Variants in PPP1R7 observed in about 807,000 individuals in gnomAD.
The protein encoded by PPP1R7 is protein phosphatase 1 regulatory subunit 7.
Under a neutral mutation model 45.2 loss-of-function variants are expected in PPP1R7, and 18 were observed. That is an observed-to-expected ratio of 0.40 (90% CI 0.28 to 0.59). The LOEUF (loss-of-function observed/expected upper bound fraction) is 0.59, where lower values mean the gene tolerates loss of function less well. Ranked by LOEUF, PPP1R7 falls within the 20% of genes least tolerant of loss-of-function variation. The pLI is 0.46. For missense variants in PPP1R7, 314 were observed against 455.8 expected, an observed-to-expected ratio of 0.69 and a Z score of 2.83; for synonymous variants, 181 against 183.4, an observed-to-expected ratio of 0.99 and a Z score of 0.11.
rs11741 is a variant in PPP1R7 at position 241,183,405 on chromosome 2, G to C, written c.*582G>C. 2.1e-6 allele frequency: 1 copy of C among 471,096 alleles called. No individual in the cohort carries two copies. The highest frequency in any genetic ancestry group is 6.9e-5 in the East Asian group (1 of 14,398). The allele number at this position is 471,096 out of a possible 1,614,324, so 29.2% of individuals were successfully genotyped here. Reference sequence around the variant, plus strand: ...GCTCTCCTTCAAAGAGCGCCGGGCAGGGCTGACTGTTTTCACGTGTGCCCG... The same window carrying C: ...GCTCTCCTTCAAAGAGCGCCGGGCACGGCTGACTGTTTTCACGTGTGCCCG... On this transcript the variant is annotated 3_prime_UTR_variant, in exon 10 of 10. Transcript: ENST00000234038.
chr2:241,183,081 C>G lies in PPP1R7; in HGVS notation c.*258C>G, dbSNP rs543098648. On this transcript the variant is annotated 3_prime_UTR_variant, in exon 10 of 10. Coordinates refer to ENST00000234038, the MANE Select transcript of PPP1R7 (RefSeq NM_002712.3). ...CACAGAGAGAACATAAGACACGTTG[C>G]GTTCATTCGCTAGAAATCCCTGTTT... is the stretch of plus-strand genomic sequence containing the variant. 6 of 513,792 alleles carry G rather than the reference C, an allele frequency of 1.2e-5. No homozygotes were observed. Among genetic ancestry groups the G allele is most frequent in the Non-Finnish European group, 1.8e-5 (5 of 283,284 alleles). The allele number at this position is 513,792 out of a possible 1,614,324, so 31.8% of individuals were successfully genotyped here.
At chr2:241,152,683 T>C (rs930780847) in intron 1 of PPP1R7, among the ~76,000 whole-genome samples, 1 of 152,228 alleles carries the variant, frequency 6.6e-6, no homozygotes, top group Admixed American at 6.5e-5. Flanking sequence ...ATTTTCAGTA[T>C]GGTTGATAAT....
intron 5 of PPP1R7, 50 bp downstream of exon 5, chr2:241,159,393 T>TG (rs1421676305): frequency 6.2e-7 from 1 of 1,600,092 alleles, no homozygotes; most frequent in South Asian, 1.1e-5. Context: ...GGCCACTGGG[T>TG]GGGGGGTGTC....
intron 6 of PPP1R7, 151 bp from the exon 7 acceptor site, chr2:241,163,134 A>G: frequency 3.1e-6 from 2 of 638,060 alleles, no homozygotes; most frequent in African/African-American, 1.8e-5. Context: ...ACCTTCAAGT[A>G]GGATTTCCAC....
chr2:241,150,393 C>G (rs932781162), upstream of PPP1R7: 27 of 1,157,044 alleles, frequency 2.3e-5, no homozygotes, highest in Non-Finnish European at 2.8e-5. Flanking sequence ...CGGCTGAAGT[C>G]GCCGCGCCGG....
chr2:241,155,063 G>T (rs1241778902), intron 2 of PPP1R7: 1 of 152,180 alleles, frequency 6.6e-6, no homozygotes, highest in East Asian at 1.9e-4. Flanking sequence ...GGAATAAAGT[G>T]CATGGGAGTG....
At chr2:241,154,960 A>AC (rs2067418778) in intron 2 of PPP1R7, 3 of 152,246 alleles carry the variant, frequency 2.0e-5, no homozygotes, top group African/African-American at 7.2e-5. Flanking sequence ...TAACTATGGC[A>AC]ACCTACTTTT....
chr2:241,150,823 G>T (rs988133571), intron 1 of PPP1R7, among the ~76,000 whole-genome samples: 3 of 152,174 alleles, frequency 2.0e-5, no homozygotes, highest in African/African-American at 7.2e-5. Flanking sequence ...GGGACGCGGT[G>T]GCTCCATTCA....
chr2:241,153,702 G>C, intron 2 of PPP1R7, 98 bp downstream of exon 2: 3 of 1,482,942 alleles, frequency 2.0e-6, no homozygotes, highest in South Asian at 1.3e-5. Flanking sequence ...TGTCGGTCTG[G>C]AGAAGGACTG....
chr2:241,158,587 C>T (rs1382500429), intron 4 of PPP1R7, 38 bp downstream of exon 4: 1 of 1,575,138 alleles, frequency 6.3e-7, no homozygotes, highest in Middle Eastern at 1.7e-4. Context: ...TGACGCTCAC[C>T]CATAGGATGT....
intron 2 of PPP1R7, among the ~76,000 whole-genome samples, chr2:241,154,817 A>C (rs757324801): frequency 6.6e-6 from 1 of 152,264 alleles, no homozygotes; most frequent in Non-Finnish European, 1.5e-5. Context: ...AGAAGGATCT[A>C]TACATTTTGT....
chr2:241,173,645 C>T (rs1045721393), intron 9 of PPP1R7, among the ~76,000 whole-genome samples: 10 of 152,212 alleles, frequency 6.6e-5, no homozygotes, highest in African/African-American at 2.4e-4. Context: ...TCTAAAACTG[C>T]TTCTGCCCTT....
At chr2:241,152,388 G>C (rs143149005) in intron 1 of PPP1R7, among the ~76,000 whole-genome samples, 1 of 152,212 alleles carries the variant, frequency 6.6e-6, no homozygotes, top group African/African-American at 2.4e-5. Flanking sequence ...TCTGGCAGGG[G>C]AGAATAGGTT....
intron 2 of PPP1R7, 91 bp from the exon 3 acceptor site, chr2:241,157,716 A>C (rs1041004354): frequency 1.5e-6 from 2 of 1,313,156 alleles, no homozygotes; most frequent in African/African-American, 2.9e-5. Context: ...TCTGGGCACC[A>C]AACAGCCCCA....
At chr2:241,151,720 G>A (rs35157723) in intron 1 of PPP1R7, among the ~76,000 whole-genome samples, 1,726 of 152,102 alleles carry the variant, frequency 0.011, 69 homozygotes, top group East Asian at 0.099. Context: ...ATAAAAGCCC[G>A]GCTTTTCTCA....
At chr2:241,169,943 A>C in intron 9 of PPP1R7, 76 bp downstream of exon 9, 1 of 1,219,782 alleles carries the variant, frequency 8.2e-7, no homozygotes, top group Non-Finnish European at 1.2e-6. Context: ...TTATGAATGA[A>C]TACAAGAATC....
intron 1 of PPP1R7, among the ~76,000 whole-genome samples, 185 bp downstream of exon 1, chr2:241,150,732 C>G (rs2067253152): frequency 6.6e-6 from 1 of 152,094 alleles, no homozygotes; most frequent in African/African-American, 2.4e-5. Context: ...GAGCCCCGGC[C>G]CGGGGGCGGC....
intron 7 of PPP1R7, 151 bp from the exon 8 acceptor site, chr2:241,166,186 G>A (rs1464506240): frequency 3.5e-6 from 2 of 576,218 alleles, no homozygotes; most frequent in Admixed American, 2.8e-5. Flanking sequence ...ACAGGCATGA[G>A]CCACCGCGCC....
upstream of PPP1R7, chr2:241,150,244 T>C (rs1315860816): frequency 5.4e-6 from 7 of 1,289,040 alleles, no homozygotes; most frequent in South Asian, 1.3e-4. Context: ...CGACTCCCTC[T>C]GCTTTCCTTC....
Sources: gnomAD v4.1 joint callset for allele counts (sites outside exome capture counted in the v4.1 genomes callset) on GRCh38, gnomAD v4.1.1 for gene constraint, MANE v1.5 for transcripts, NCBI Gene and HGNC (gene_info 2026-07-23, HGNC 2026-07-21) for gene names.